The following ZNF718 variants were observed in gnomAD, a reference collection of about 807,000 sequenced individuals.
The protein encoded by ZNF718 is zinc finger protein 718.
Under a neutral mutation model 2.6 loss-of-function variants are expected in ZNF718, and 3 were observed. That is an observed-to-expected ratio of 1.16 (90% CI 0.53 to 3.01). The LOEUF is 3.01. ZNF718 is among the 30% of genes most tolerant of loss of function. The pLI is 0.03. For synonymous variants in ZNF718, 135 were observed against 77.9 expected (o/e 1.73, Z -3.86); for missense variants, 468 against 230.0 (o/e 2.03, Z -6.69).
At position 161,586 on chromosome 4, in the gene ZNF718, C is replaced by T. The variant is rs575759233; in HGVS notation, c.901C>T (p.His301Tyr). 1.3e-6 allele frequency: 1 copy of T among 780,832 alleles called. No homozygotes were observed. The highest frequency in any genetic ancestry group is 2.4e-6 in the Non-Finnish European group (1 of 417,994). 48.4% of individuals were successfully genotyped at this position (780,832 alleles called of 1,614,324 possible). ...TAAGTGGTCCTCATCCCTTAATGAA[C>T]ATAAGAGAATTCATGCTGGAGAGAA... Reference protein sequence around the residue: ...AFKWSSSLNEHKRIHAGEKPF... With the variant: ...AFKWSSSLNEYKRIHAGEKPF... The change falls in exon 4 of 4, where the codon CAT (histidine) becomes TAT (tyrosine). Residue 301 changes from histidine to tyrosine, a missense_variant. Coordinates refer to ENST00000510175, the MANE Select transcript of ZNF718 (RefSeq NM_001039127.6).
At position 161,803 on chromosome 4, in the gene ZNF718, G is replaced by T. The variant is rs1716883999; in HGVS notation, c.1118G>T (p.Gly373Val). The T allele has an allele frequency of 1.3e-6, 1 of 780,696 alleles. No individual in the cohort carries two copies. The highest frequency in any genetic ancestry group is 1.7e-5 in the African/African-American group (1 of 59,120). 48.4% of individuals were successfully genotyped at this position (780,696 alleles called of 1,614,324 possible). The change falls in exon 4 of 4, where the codon GGA (glycine) becomes GTA (valine). Residue 373 changes from glycine to valine, a missense_variant. Gly to Val is a moderately radical substitution (Grantham distance 109). Coordinates refer to ENST00000510175, the MANE Select transcript of ZNF718 (RefSeq NM_001039127.6). ...AAACCCTACACATGTGAAGAATGTG[G>T]AAAAGCCTTTAATTGGTCCTCAACC... is the stretch of plus-strand genomic sequence containing the variant. The part of the protein sequence containing the change: ...GEKPYTCEEC[G>V]KAFNWSSTLN...
At chr4:125,236 T>C (rs559044805) in intron 1 of ZNF718, 3 of 153,514 alleles carry the variant, frequency 2.0e-5, no homozygotes, top group South Asian at 4.0e-4. Flanking sequence ...AATACGCTGG[T>C]GTCTGTTCGC....
intron 3 of ZNF718, chr4:136,510 AT>A: frequency 1.9e-6 from 1 of 522,026 alleles, no homozygotes; most frequent in African/African-American, 1.9e-5. Context: ...GCCATGTTTT[AT>A]CTGCAGCCAT....
chr4:143,677 A>G (rs966809391), intron 3 of ZNF718, among the ~76,000 whole-genome samples: 15 of 152,174 alleles, frequency 9.9e-5, no homozygotes, highest in South Asian at 2.1e-4. Flanking sequence ...CAGCATAGGT[A>G]TCCACCCCCA....
intron 3 of ZNF718, among the ~76,000 whole-genome samples, chr4:156,951 G>T (rs923685080): frequency 7.9e-5 from 12 of 152,026 alleles, no homozygotes; most frequent in African/African-American, 2.9e-4. Flanking sequence ...GTTTATGTTT[G>T]TGCTGGATTT....
chr4:161,609 G>C lies in ZNF718; in HGVS notation c.924G>C (p.Glu308Asp). Residue 308 changes from glutamate (E) to aspartate (D), a missense_variant, in exon 4 of 4, where the codon GAG (glutamate) becomes GAC (aspartate). Glu to Asp is a conservative substitution (Grantham distance 45). Transcript: ENST00000510175. ...AACATAAGAGAATTCATGCTGGAGA[G>C]AAACCCTTCTCATGCGAAGAATGTG... is the stretch of plus-strand genomic sequence containing the variant. ...LNEHKRIHAG[E>D]KPFSCEECGN... is the part of the protein sequence containing the mutation. 1 of 780,546 alleles carries C rather than the reference G, an allele frequency of 1.3e-6. No homozygotes were observed. Among genetic ancestry groups the C allele is most frequent in the Non-Finnish European group, 2.4e-6 (1 of 417,902 alleles). The allele number at this position is 780,546 out of a possible 1,614,324, so 48.4% of individuals were successfully genotyped here.
intron 3 of ZNF718, among the ~76,000 whole-genome samples, chr4:176,106 T>C (rs1717340863): frequency 6.6e-6 from 1 of 152,112 alleles, no homozygotes; most frequent in Non-Finnish European, 1.5e-5. Context: ...AAAAGCACCC[T>C]TATAAGCTCT....
At chr4:195,111 CTGAGTATTTCATAA>C (rs1717766343) in intron 3 of ZNF718, among the ~76,000 whole-genome samples, 2 of 152,284 alleles carry the variant, frequency 1.3e-5, no homozygotes, top group African/African-American at 4.8e-5. Context: ...GGCTGGGTTC[CTGAGTATTTCATAA>C]CAACCCAGCT....
At chr4:169,924 T>A (rs1237383999) in intron 3 of ZNF718, among the ~76,000 whole-genome samples, 1 of 151,888 alleles carries the variant, frequency 6.6e-6, no homozygotes, top group Non-Finnish European at 1.5e-5. Context: ...CATCAGTTGA[T>A]GCAGTTTCTT....
chr4:201,463 GA>G (rs1717898837), intron 4 of ZNF718: 1 of 152,828 alleles, frequency 6.5e-6, no homozygotes, highest in Non-Finnish European at 1.5e-5. Context: ...AATAAGTCAA[GA>G]TGTTGTGTTC....
intron 3 of ZNF718, among the ~76,000 whole-genome samples, chr4:139,252 T>A (rs1223246709): frequency 6.6e-6 from 1 of 152,224 alleles, no homozygotes; most frequent in African/African-American, 2.4e-5. Flanking sequence ...TTTCATAGTT[T>A]GATGTCTTAG....
intron 3 of ZNF718, among the ~76,000 whole-genome samples, chr4:142,280 A>G (rs141480633): frequency 6.6e-5 from 10 of 152,344 alleles, no homozygotes; most frequent in African/African-American, 2.2e-4. Flanking sequence ...TTATGCTTCT[A>G]CAAACATTAA....
chr4:202,200 C>T (rs1717915266), exon 5 of ZNF718: 1 of 152,240 alleles, frequency 6.6e-6, no homozygotes, highest in Non-Finnish European at 1.5e-5. Flanking sequence ...CTCATTCTCT[C>T]ATATCTGCTG....
chr4:153,252 G>A (rs1221532625), intron 3 of ZNF718, among the ~76,000 whole-genome samples: 7 of 151,974 alleles, frequency 4.6e-5, no homozygotes, highest in African/African-American at 1.7e-4. Flanking sequence ...TTTATTACTG[G>A]GCTCACTGGA....
At chr4:195,183 A>G (rs1350898532) in intron 3 of ZNF718, among the ~76,000 whole-genome samples, 1 of 152,202 alleles carries the variant, frequency 6.6e-6, no homozygotes, top group South Asian at 2.1e-4. Flanking sequence ...ATGCAAATTC[A>G]TTTCAGAGAG....
At chr4:158,892 CT>C (rs587673139) in intron 3 of ZNF718, among the ~76,000 whole-genome samples, 98,981 of 139,346 alleles carry the variant, frequency 0.71, 34,825 homozygotes, top group East Asian at 0.95. Context: ...TTTCTTTAGC[CT>C]TTTTTTTTTT....
chr4:194,115 CA>C, intron 3 of ZNF718, among the ~76,000 whole-genome samples: 1 of 152,192 alleles, frequency 6.6e-6, no homozygotes, highest in East Asian at 1.9e-4. Flanking sequence ...TATAAAAAAC[CA>C]AGGCTGCCAA....
intron 3 of ZNF718, among the ~76,000 whole-genome samples, chr4:147,611 C>A (rs1220286504): frequency 1.3e-5 from 2 of 151,946 alleles, no homozygotes; most frequent in Non-Finnish European, 2.9e-5. Context: ...AAAAAAAAAT[C>A]CCAGCACTTT....
At chr4:178,252 T>A (rs1243951225) in intron 3 of ZNF718, among the ~76,000 whole-genome samples, 1 of 151,590 alleles carries the variant, frequency 6.6e-6, no homozygotes, top group Non-Finnish European at 1.5e-5. Flanking sequence ...AATCCTCCCA[T>A]CTCAGCCAGC....
Sources: allele counts gnomAD v4.1 joint callset (sites outside exome capture counted in the v4.1 genomes callset), GRCh38; gene constraint gnomAD v4.1.1; transcripts MANE v1.5; gene names NCBI Gene and HGNC (gene_info 2026-07-23, HGNC 2026-07-21).